Variants in EBF2 observed in about 807,000 individuals in gnomAD.
EBF2 encodes transcription factor COE2.
In EBF2, 21 loss-of-function variants were observed where a neutral mutation model predicts 72.8. That is an observed-to-expected ratio of 0.29 (90% confidence interval 0.20 to 0.42). The LOEUF (loss-of-function observed/expected upper bound fraction) is 0.42, where lower values mean the gene tolerates loss of function less well. EBF2 is among the 10% of genes least tolerant of loss of function. The pLI is 1.00. For missense variants in EBF2, 637 were observed against 731.2 expected, an observed-to-expected ratio of 0.87 and a Z score of 1.49; for synonymous variants, 299 against 274.2, an observed-to-expected ratio of 1.09 and a Z score of -0.89.
chr8:25,980,417 C>T (rs576587050), intron 6 of EBF2, among the ~76,000 whole-genome samples: 105 of 151,736 alleles, frequency 6.9e-4, no homozygotes, highest in African/African-American at 2.2e-3. Context: ...CAATGGTAAG[C>T]GTGCTGTAAA....
At chr8:26,005,065 G>C (rs1371144879) in intron 6 of EBF2, among the ~76,000 whole-genome samples, 2 of 149,450 alleles carry the variant, frequency 1.3e-5, no homozygotes, top group African/African-American at 4.9e-5. Context: ...CACTTGCCCA[G>C]AAACACAAGT....
chr8:26,005,701 T>C (rs1034235887), intron 6 of EBF2, among the ~76,000 whole-genome samples: 7 of 147,738 alleles, frequency 4.7e-5, no homozygotes, highest in Non-Finnish European at 7.4e-5. Context: ...CATGGTGGTG[T>C]GTGCATGCAG....
intron 10 of EBF2, among the ~76,000 whole-genome samples, chr8:25,869,055 C>G (rs1802384497): frequency 6.6e-6 from 1 of 152,166 alleles, no homozygotes; most frequent in South Asian, 2.1e-4. Flanking sequence ...TTTAGACACT[C>G]TATATTTAAC....
At chr8:25,887,131 C>A (rs1239104545) in intron 9 of EBF2, among the ~76,000 whole-genome samples, 1 of 151,920 alleles carries the variant, frequency 6.6e-6, no homozygotes, top group Non-Finnish European at 1.5e-5. Context: ...CTCTCTCTCT[C>A]TCTCTGTCTG....
At chr8:25,888,107 A>G in intron 8 of EBF2, 135 bp from the exon 9 acceptor site, 1 of 991,374 alleles carries the variant, frequency 1.0e-6, no homozygotes, top group South Asian at 2.2e-5. Context: ...ATAACTGATG[A>G]GCTAACAAAC....
intron 6 of EBF2, among the ~76,000 whole-genome samples, chr8:25,913,373 G>A (rs1803158697): frequency 1.3e-5 from 2 of 152,008 alleles, no homozygotes; most frequent in Non-Finnish European, 2.9e-5. Flanking sequence ...CCTGGGAGGT[G>A]GAGGTTGCAG....
intron 6 of EBF2, among the ~76,000 whole-genome samples, chr8:25,980,889 A>G (rs1299352242): frequency 7.3e-5 from 4 of 55,058 alleles, no homozygotes; most frequent in Non-Finnish European, 1.3e-4. Flanking sequence ...CAACCCCAGC[A>G]CTGTGGTGGG....
chr8:25,969,667 C>CCT (rs1804162128), intron 6 of EBF2, among the ~76,000 whole-genome samples: 1 of 152,232 alleles, frequency 6.6e-6, no homozygotes, highest in Non-Finnish European at 1.5e-5. Context: ...CCTTCTCACT[C>CCT]ATGAGTCTCC....
intron 6 of EBF2, among the ~76,000 whole-genome samples, chr8:25,936,114 A>G (rs1364587806): frequency 6.6e-6 from 1 of 152,134 alleles, no homozygotes; most frequent in Non-Finnish European, 1.5e-5. Context: ...TATGCTATGA[A>G]ATCATGTGGA....
rs145297583 is a variant in EBF2 at position 25,904,589 on chromosome 8, T to C, written c.633+3885A>G. On this transcript the variant is annotated intron_variant, in intron 7 of 15. Coordinates refer to ENST00000520164, the MANE Select transcript of EBF2 (RefSeq NM_022659.4). ...TCACAAAAGTAGAGAATTGAAGGAATTGTGTATATGGCTCTAAATGATTGT... is the reference window on the plus strand; with the variant it reads ...TCACAAAAGTAGAGAATTGAAGGAACTGTGTATATGGCTCTAAATGATTGT... 5.1e-3 allele frequency among the ~76,000 whole-genome samples: 782 copies of C among 152,340 alleles called. 7 individuals are homozygous for C. Among genetic ancestry groups the C allele is most frequent in the Admixed American group, 9.3e-3 (143 of 15,308 alleles).
chr8:25,894,694 C>T (rs1299679602), intron 7 of EBF2, among the ~76,000 whole-genome samples: 1 of 152,188 alleles, frequency 6.6e-6, no homozygotes, highest in Admixed American at 6.5e-5. Flanking sequence ...AAAATCTTTA[C>T]ATCTTAGCTA....
At chr8:25,918,842 C>T (rs1350633802) in intron 6 of EBF2, among the ~76,000 whole-genome samples, 2 of 152,072 alleles carry the variant, frequency 1.3e-5, no homozygotes, top group African/African-American at 2.4e-5. Flanking sequence ...GCCTTCTATC[C>T]GTCGGATCTT....
At chr8:25,957,878 T>C (rs1220852702) in intron 6 of EBF2, among the ~76,000 whole-genome samples, 1 of 152,096 alleles carries the variant, frequency 6.6e-6, no homozygotes, top group Admixed American at 6.5e-5. Flanking sequence ...CCAAATAAGA[T>C]GGTGTTTAAA....
At position 26,044,233 on chromosome 8, in the gene EBF2, G is replaced by A. The variant is rs1805660980; in HGVS notation, c.131+496C>T. 1.3e-5 allele frequency among the ~76,000 whole-genome samples: 2 copies of A among 152,198 alleles called. No homozygotes were observed. The highest frequency in any genetic ancestry group is 4.1e-4 in the South Asian group (2 of 4,824). The stretch of plus-strand genomic sequence containing the variant: ...TCCGGCTTTTCCCGCTCCCCTCGCC[G>A]CCGCCACCCTCTGGCCGCCGGCCTC... On this transcript the variant is annotated intron_variant, in intron 1 of 15. Coordinates refer to ENST00000520164, the MANE Select transcript of EBF2 (RefSeq NM_022659.4). The surrounding 1 kb of genome is among the most constrained non-coding windows in gnomAD (Gnocchi z 4.1).
chr8:25,894,008 G>A (rs1042488365), intron 7 of EBF2, among the ~76,000 whole-genome samples: 2 of 152,186 alleles, frequency 1.3e-5, no homozygotes, highest in Non-Finnish European at 2.9e-5. Flanking sequence ...GTATGTGTGT[G>A]TGCATGTGTA....
intron 1 of EBF2, among the ~76,000 whole-genome samples, chr8:26,043,655 A>G (rs1036800172): frequency 1.3e-5 from 2 of 152,206 alleles, no homozygotes; most frequent in South Asian, 2.1e-4. Flanking sequence ...CTCCAAGGGT[A>G]GAGGCCGGTT....
At chr8:25,937,927 G>A (rs913760925) in intron 6 of EBF2, among the ~76,000 whole-genome samples, 5 of 151,986 alleles carry the variant, frequency 3.3e-5, no homozygotes, top group African/African-American at 9.7e-5. Context: ...ACCCAAGTTC[G>A]CTTTACCTCC....
At chr8:25,919,557 G>T (rs1803275037) in intron 6 of EBF2, among the ~76,000 whole-genome samples, 3 of 152,088 alleles carry the variant, frequency 2.0e-5, no homozygotes, top group Non-Finnish European at 1.5e-5. Flanking sequence ...AGAAATTTCT[G>T]AAGAATGGAA....
At chr8:25,870,597 GT>G (rs976171793) in intron 10 of EBF2, among the ~76,000 whole-genome samples, 5 of 152,162 alleles carry the variant, frequency 3.3e-5, no homozygotes, top group East Asian at 1.9e-4. Context: ...ATGGAGATGA[GT>G]TTTTTTAAAA....
Sources: gnomAD v4.1 joint callset for allele counts (sites outside exome capture counted in the v4.1 genomes callset) on GRCh38, gnomAD v4.1.1 for gene constraint, Gnocchi (gnomAD v3.1) non-coding constraint, MANE v1.5 for transcripts, NCBI Gene and HGNC (gene_info 2026-07-23, HGNC 2026-07-21) for gene names.